The following SHLD2 variants were observed in gnomAD, a reference collection of about 807,000 sequenced individuals.
The protein encoded by SHLD2 is RINN1-REV7-interacting novel NHEJ regulator 2.
In SHLD2, 30 loss-of-function variants were observed where a neutral mutation model predicts 73.2. The observed-to-expected ratio is 0.41, with a 90% confidence interval of 0.31 to 0.56. SHLD2 has a LOEUF of 0.56. Among genes scored for constraint, SHLD2 ranks in the 20% least tolerant of loss-of-function variants. The probability of loss-of-function intolerance (pLI) is 0.28; values close to 1 mark genes in which losing one functional copy is unlikely to be tolerated. For missense variants in SHLD2, 745 were observed against 1,055.9 expected, an observed-to-expected ratio of 0.71 and a Z score of 4.08; for synonymous variants, 285 against 370.1, an observed-to-expected ratio of 0.77 and a Z score of 2.64.
chr10:87,106,586 G>A (rs978537152), intron 2 of SHLD2, among the ~76,000 whole-genome samples: 2 of 152,088 alleles, frequency 1.3e-5, no homozygotes, highest in African/African-American at 2.4e-5. Context: ...ACTATTGACA[G>A]CTTTTAAGGA....
At chr10:87,101,688 A>G (rs529516766) in intron 2 of SHLD2, among the ~76,000 whole-genome samples, 123 of 152,216 alleles carry the variant, frequency 8.1e-4, no homozygotes, top group African/African-American at 2.8e-3. Flanking sequence ...GTGGGTGGAT[A>G]ACTTGAGGCC....
intron 2 of SHLD2, among the ~76,000 whole-genome samples, chr10:87,102,876 G>C (rs1161980819): frequency 6.6e-6 from 1 of 151,894 alleles, no homozygotes; most frequent in Non-Finnish European, 1.5e-5. Flanking sequence ...ATTTTTTAAA[G>C]AGATTACTTT....
chr10:87,185,696 T>C (rs1848575913), intron 8 of SHLD2, among the ~76,000 whole-genome samples: 1 of 152,206 alleles, frequency 6.6e-6, no homozygotes, highest in Non-Finnish European at 1.5e-5. Flanking sequence ...TTAGTAGTTT[T>C]ACCTCCTACA....
intron 2 of SHLD2, among the ~76,000 whole-genome samples, chr10:87,097,411 A>T (rs1288697576): frequency 2.0e-5 from 3 of 152,118 alleles, no homozygotes; most frequent in African/African-American, 7.2e-5. Context: ...AAATACAAAA[A>T]TAAGCCAAGC....
chr10:87,107,664 G>T (rs1474178601), intron 2 of SHLD2, among the ~76,000 whole-genome samples: 1 of 152,206 alleles, frequency 6.6e-6, no homozygotes, highest in African/African-American at 2.4e-5. Flanking sequence ...GAAATCCAGT[G>T]TGACTGTGGT....
chr10:87,125,875 C>T (rs1416789576), intron 2 of SHLD2, among the ~76,000 whole-genome samples: 1 of 151,648 alleles, frequency 6.6e-6, no homozygotes, highest in African/African-American at 2.4e-5. Flanking sequence ...TGCAATGAGC[C>T]GAGATCACGC....
chr10:87,124,236 C>A (rs544978699), intron 2 of SHLD2, among the ~76,000 whole-genome samples: 1 of 152,060 alleles, frequency 6.6e-6, no homozygotes, highest in Admixed American at 6.6e-5. Flanking sequence ...CATACAGTGA[C>A]CTCACTTAAT....
rs561735999 is a variant in SHLD2, at chr10:87,140,191, G to T, written c.-5-11159G>T. Among the ~76,000 whole-genome samples, 1,163 of 152,104 alleles carry T rather than the reference G, an allele frequency of 7.6e-3. 15 individuals carry two copies. Among genetic ancestry groups the T allele is most frequent in the African/African-American group, 0.027 (1,118 of 41,484 alleles). ...CCTAGCACTTTGGGGGCCGAGAGGG[G>T]TGCAGATCATTTGAGATCAGGAATT... On this transcript the variant is annotated intron_variant, in intron 2 of 9. Transcript: ENST00000298786.
rs566293742 is a variant in SHLD2, at chr10:87,170,636, G to A, written c.1792G>A (p.Ala598Thr). 12 of 1,611,456 alleles carry A rather than the reference G, an allele frequency of 7.4e-6. No homozygotes were observed. Among genetic ancestry groups the A allele is most frequent in the Middle Eastern group, 1.7e-4 (1 of 6,042 alleles). The change falls in exon 5 of 10, where the codon GCA becomes ACA. Residue 598 changes from alanine to threonine, a missense_variant. This residue lies in a region of SHLD2 where 418 missense variants were observed against 567.8 expected (regional missense o/e 0.74). Transcript: ENST00000298786. The stretch of plus-strand genomic sequence containing the variant: ...CCTTCAACCTGATGTATTAGTCCAC[G>A]CAGTACTAAGAGTTGTTGATTTCAC... ...EHLQPDVLVH[A>T]VLRVVDFTIL...
chr10:87,133,905 A>C (rs1356589672), intron 2 of SHLD2, among the ~76,000 whole-genome samples: 2 of 152,240 alleles, frequency 1.3e-5, no homozygotes, highest in Admixed American at 1.3e-4. Flanking sequence ...ATTGTTTTAT[A>C]GCTGGGGCTA....
intron 2 of SHLD2, among the ~76,000 whole-genome samples, chr10:87,149,452 G>C (rs947173140): frequency 2.0e-5 from 3 of 152,044 alleles, no homozygotes; most frequent in Admixed American, 1.3e-4. Context: ...GCCAGGCACG[G>C]TGGCTCACAC....
chr10:87,157,721 T>TA (rs1388621142), intron 3 of SHLD2, among the ~76,000 whole-genome samples: 1 of 152,062 alleles, frequency 6.6e-6, no homozygotes, highest in Non-Finnish European at 1.5e-5. Context: ...CTTCTGGTCC[T>TA]AAAAAAAATT....
chr10:87,104,301 A>T (rs1304662192), intron 2 of SHLD2, among the ~76,000 whole-genome samples: 2 of 151,022 alleles, frequency 1.3e-5, no homozygotes, highest in Admixed American at 1.3e-4. Flanking sequence ...TAATCCCAGC[A>T]CTTTGGGAGG....
chr10:87,171,090 A>G, intron 6 of SHLD2, 116 bp downstream of exon 6: 2 of 622,182 alleles, frequency 3.2e-6, no homozygotes, highest in South Asian at 4.0e-5. Flanking sequence ...ACAAGTGATC[A>G]TGATTGAATA....
intron 2 of SHLD2, among the ~76,000 whole-genome samples, chr10:87,122,414 A>G (rs1279804921): frequency 1.3e-5 from 2 of 151,980 alleles, no homozygotes; most frequent in East Asian, 1.9e-4. Context: ...CCTTCCTTTT[A>G]TTTTGTTGTT....
chr10:87,128,987 C>T (rs886851180), intron 2 of SHLD2, among the ~76,000 whole-genome samples: 1 of 152,196 alleles, frequency 6.6e-6, no homozygotes, highest in African/African-American at 2.4e-5. Flanking sequence ...ACTGCAACAA[C>T]CTCCGCCTCC....
chr10:87,124,270 C>T (rs1292146610), intron 2 of SHLD2, among the ~76,000 whole-genome samples: 1 of 151,898 alleles, frequency 6.6e-6, no homozygotes, highest in African/African-American at 2.4e-5. Flanking sequence ...TACACAGTGG[C>T]TCATGCCTGT....
intron 2 of SHLD2, among the ~76,000 whole-genome samples, chr10:87,110,029 T>C (rs924008373): frequency 6.6e-6 from 1 of 152,204 alleles, no homozygotes; most frequent in Non-Finnish European, 1.5e-5. Context: ...GCCTCATGCC[T>C]GTAATCCCAG....
chr10:87,173,827 G>C (rs1223123629), intron 6 of SHLD2, among the ~76,000 whole-genome samples: 1 of 152,042 alleles, frequency 6.6e-6, no homozygotes, highest in Admixed American at 6.5e-5. Context: ...ATGGGGAAAG[G>C]ATATGAGTAG....
Sources: gnomAD v4.1 joint callset for allele counts (sites outside exome capture counted in the v4.1 genomes callset) on GRCh38, gnomAD v4.1.1 for gene constraint, gnomAD v4.1.1 regional missense constraint, MANE v1.5 for transcripts, NCBI Gene and HGNC (gene_info 2026-07-23, HGNC 2026-07-21) for gene names.